The following ENPP1 variants were observed in gnomAD, a reference collection of about 807,000 sequenced individuals.
ENPP1 encodes ectonucleotide pyrophosphatase/phosphodiesterase 1, also known as ectonucleotide pyrophosphatase/phosphodiesterase family member 1.
Under a neutral mutation model 122.8 loss-of-function variants are expected in ENPP1, and 73 were observed. The ratio of observed to expected loss-of-function variants is 0.59; its 90% confidence interval spans 0.49 to 0.72. The LOEUF (loss-of-function observed/expected upper bound fraction) is 0.72. Among genes scored for constraint, ENPP1 ranks in the 30% least tolerant of loss-of-function variants. ENPP1 has a pLI of 0.00. For synonymous variants in ENPP1, 367 were observed against 391.6 expected, an observed-to-expected ratio of 0.94 and a Z score of 0.74; for missense variants, 978 against 1,128.1, an observed-to-expected ratio of 0.87 and a Z score of 1.91.
chr6:131,831,331 C>CT (rs1781611385), intron 1 of ENPP1, among the ~76,000 whole-genome samples: 3 of 152,274 alleles, frequency 2.0e-5, no homozygotes, highest in Admixed American at 2.0e-4. Context: ...CCCAATTCCT[C>CT]TGTCATTAAC....
chr6:131,873,384 T>A (rs906614148), intron 15 of ENPP1, among the ~76,000 whole-genome samples: 1 of 152,190 alleles, frequency 6.6e-6, no homozygotes. Flanking sequence ...CAGACCATCC[T>A]TGGCTAAGAA....
At chr6:131,887,478 C>T (rs1376913859) in intron 24 of ENPP1, among the ~76,000 whole-genome samples, 2 of 151,072 alleles carry the variant, frequency 1.3e-5, no homozygotes, top group Non-Finnish European at 1.5e-5. Flanking sequence ...CCGCAAGCTC[C>T]GCCTTCTGGG....
At chr6:131,887,864 CTTTTT>C (rs576073873) in intron 24 of ENPP1, among the ~76,000 whole-genome samples, 11 of 104,706 alleles carry the variant, frequency 1.1e-4, no homozygotes, top group African/African-American at 3.2e-4. Flanking sequence ...CGTGCCTGGC[CTTTTT>C]TTTTTTTTTT....
chr6:131,845,873 G>T (rs945880400), intron 1 of ENPP1, among the ~76,000 whole-genome samples: 2 of 152,080 alleles, frequency 1.3e-5, no homozygotes, highest in Non-Finnish European at 2.9e-5. Context: ...TTGTTGACTT[G>T]CTCAAGCTCT....
At chr6:131,871,952 T>C (rs1782167532) in intron 13 of ENPP1, 118 bp from the exon 14 acceptor site, 4 of 821,014 alleles carry the variant, frequency 4.9e-6, no homozygotes, top group Non-Finnish European at 8.2e-6. Context: ...AAATGAACTC[T>C]TTAAAACCTG....
intron 1 of ENPP1, 29 bp downstream of exon 1, chr6:131,808,304 G>C (rs1258113560): frequency 1.3e-6 from 2 of 1,482,156 alleles, no homozygotes; most frequent in Non-Finnish European, 9.0e-7. Flanking sequence ...CCCGGCGCCC[G>C]GGAGGGCTGG....
At chr6:131,858,879 G>C in intron 7 of ENPP1, 132 bp downstream of exon 7, 1 of 732,694 alleles carries the variant, frequency 1.4e-6, no homozygotes, top group Non-Finnish European at 2.4e-6. Flanking sequence ...GGAAACCCAG[G>C]TTCTGATCTT....
intron 6 of ENPP1, among the ~76,000 whole-genome samples, chr6:131,856,169 A>G (rs538065010): frequency 3.9e-5 from 6 of 152,286 alleles, no homozygotes; most frequent in East Asian, 3.9e-4. Flanking sequence ...TTAGCTTTGC[A>G]TGGACAAAGC....
At position 131,849,997 on chromosome 6, in the gene ENPP1, T is replaced by C; in HGVS notation, c.321T>C (p.Ser107=). ...ATCGTTCAATTTTTTCAGTTAAAAG[T>C]TGCAAAGGTCGCTGTTTCGAGAGAA... The part of the protein sequence containing the change: ...LKPSCAKEVK[S]CKGRCFERTF... Residue 107 remains serine, a synonymous_variant, in exon 3 of 25, where the codon AGT becomes AGC. Coordinates refer to ENST00000647893, the MANE Select transcript of ENPP1 (RefSeq NM_006208.3). 1.2e-6 allele frequency: 2 copies of C among 1,612,990 alleles called. No homozygotes were observed. Among genetic ancestry groups the C allele is most frequent in the Non-Finnish European group, 1.7e-6 (2 of 1,178,934 alleles).
chr6:131,841,909 G>A (rs756989435), intron 1 of ENPP1, among the ~76,000 whole-genome samples: 9 of 152,104 alleles, frequency 5.9e-5, no homozygotes, highest in Non-Finnish European at 8.8e-5. Flanking sequence ...CCAAGGGATC[G>A]TTCTGGGATT....
intron 1 of ENPP1, among the ~76,000 whole-genome samples, chr6:131,842,378 G>A (rs1270831348): frequency 6.6e-6 from 1 of 152,018 alleles, no homozygotes; most frequent in African/African-American, 2.4e-5. Flanking sequence ...TTCTTAGGTT[G>A]CTTCTAACTA....
At chr6:131,816,923 G>C (rs1029071599) in intron 1 of ENPP1, among the ~76,000 whole-genome samples, 1 of 152,152 alleles carries the variant, frequency 6.6e-6, no homozygotes, top group Non-Finnish European at 1.5e-5. Context: ...ATTCAGTCAG[G>C]TTTCCATGCA....
intron 6 of ENPP1, among the ~76,000 whole-genome samples, chr6:131,857,363 C>A (rs1305348902): frequency 3.4e-5 from 5 of 147,964 alleles, no homozygotes; most frequent in Admixed American, 1.3e-4. Flanking sequence ...ATGTTTATTG[C>A]GGCACTATTC....
chr6:131,813,291 G>T (rs1781376307), intron 1 of ENPP1, among the ~76,000 whole-genome samples: 2 of 151,788 alleles, frequency 1.3e-5, no homozygotes, highest in South Asian at 2.1e-4. Context: ...GATCATTTGA[G>T]GTCAGGAGTT....
chr6:131,857,695 A>T (rs1396044179), intron 6 of ENPP1, among the ~76,000 whole-genome samples: 1 of 152,212 alleles, frequency 6.6e-6, no homozygotes, highest in Non-Finnish European at 1.5e-5. Flanking sequence ...GATATACCTA[A>T]TGCTAGATGA....
At chr6:131,819,533 C>T (rs960324695) in intron 1 of ENPP1, among the ~76,000 whole-genome samples, 2 of 152,088 alleles carry the variant, frequency 1.3e-5, no homozygotes, top group African/African-American at 4.8e-5. Context: ...CCTAAAAATA[C>T]TTACTTATTG....
In ENPP1 at chr6:131,837,172, TTGTGTGTG is replaced by T. The variant is rs67550562; in HGVS notation, c.241-10570_241-10563del. Among the ~76,000 whole-genome samples, 570 of 136,054 alleles carry T rather than the reference TTGTGTGTG, an allele frequency of 4.2e-3. 6 individuals carry two copies. Among genetic ancestry groups the T allele is most frequent in the African/African-American group, 0.014 (509 of 36,294 alleles). The allele number at this position is 136,054 out of a possible 152,430, so 89.3% of individuals were successfully genotyped here. On this transcript the variant is annotated intron_variant, in intron 1 of 24. Transcript: ENST00000647893. ...AGCTTATTTGGGGTTCCTGTTGTCA[TTGTGTGTG>T]TGTGTGTGTGTGTGTGTGTGTGTGT...
At chr6:131,871,138 G>C (rs1444418238) in intron 13 of ENPP1, among the ~76,000 whole-genome samples, 1 of 151,932 alleles carries the variant, frequency 6.6e-6, no homozygotes, top group African/African-American at 2.4e-5. Context: ...TAGCTAAGCT[G>C]TACCATACCC....
At chr6:131,811,162 T>C (rs1781344897) in intron 1 of ENPP1, among the ~76,000 whole-genome samples, 1 of 152,150 alleles carries the variant, frequency 6.6e-6, no homozygotes, top group South Asian at 2.1e-4. Context: ...TACAGTCATG[T>C]AATTCTCAAC....
Sources: gnomAD v4.1 joint callset for allele counts (sites outside exome capture counted in the v4.1 genomes callset) on GRCh38, gnomAD v4.1.1 for gene constraint, MANE v1.5 for transcripts, NCBI Gene and HGNC (gene_info 2026-07-23, HGNC 2026-07-21) for gene names.